Variants in PTPRM observed in about 807,000 individuals in gnomAD.
The protein encoded by PTPRM is protein tyrosine phosphatase receptor type M.
In PTPRM, 47 loss-of-function variants were observed where a neutral mutation model predicts 186.7. That is an observed-to-expected ratio of 0.25 (90% confidence interval 0.20 to 0.32). The LOEUF is 0.32. PTPRM is among the 10% of genes least tolerant of loss of function. The pLI, the probability that PTPRM is intolerant of heterozygous loss-of-function variation, is 1.00. For synonymous variants in PTPRM, 668 were observed against 674.9 expected, an observed-to-expected ratio of 0.99 and a Z score of 0.16; for missense variants, 1,494 against 1,865.0, an observed-to-expected ratio of 0.80 and a Z score of 3.66.
At chr18:7,945,926 G>A (rs1206250739) in intron 5 of PTPRM, among the ~76,000 whole-genome samples, 1 of 152,092 alleles carries the variant, frequency 6.6e-6, no homozygotes, top group Admixed American at 6.5e-5. Context: ...AAGCTAAAAC[G>A]ATTGCTGCTT....
intron 14 of PTPRM, among the ~76,000 whole-genome samples, chr18:8,211,419 G>A (rs947976624): frequency 4.0e-5 from 5 of 124,162 alleles, no homozygotes; most frequent in African/African-American, 1.5e-4. Flanking sequence ...TTCTAAGACA[G>A]AGTCTCGCCC....
chr18:8,092,019 CATT>C (rs2090760665), intron 11 of PTPRM, among the ~76,000 whole-genome samples: 1 of 151,998 alleles, frequency 6.6e-6, no homozygotes, highest in Non-Finnish European at 1.5e-5. Context: ...AAAATACTGT[CATT>C]GTGTGATTTC....
At position 7,699,211 on chromosome 18, in the gene PTPRM, T is replaced by G. The variant is rs972060601; in HGVS notation, c.74-74938T>G. Among the ~76,000 whole-genome samples, 3 of 152,142 alleles carry G rather than the reference T, an allele frequency of 2.0e-5. No homozygotes were observed. In the South Asian group the frequency reaches 6.2e-4, roughly 31 times the overall value. ...GAACAGTTTCATCCCATGGAAAAAT[T>G]GTCTTCCACGAAACCAGTCCCTCAT... On this transcript the variant is annotated intron_variant, in intron 1 of 32. Transcript: ENST00000580170.
At position 7,642,848 on chromosome 18, in the gene PTPRM, TAA is replaced by T. The variant is rs558868777; in HGVS notation, c.73+74975_73+74976del. 1.1e-3 allele frequency among the ~76,000 whole-genome samples: 137 copies of T among 127,152 alleles called. 1 individual carries two copies. The highest frequency in any genetic ancestry group is 1.6e-3 in the African/African-American group (57 of 35,388). 83.4% of individuals were successfully genotyped at this position (127,152 alleles called of 152,430 possible). ...CAAGACTTCAGTAAGAGCCTTTACT[TAA>T]AAAAAAAAAAAAAAAAAGAAGAAGA... On this transcript the variant is annotated intron_variant, in intron 1 of 32. Coordinates refer to ENST00000580170, the MANE Select transcript of PTPRM (RefSeq NM_001105244.2).
intron 23 of PTPRM, among the ~76,000 whole-genome samples, chr18:8,363,795 A>G (rs1568833526): frequency 6.6e-6 from 1 of 151,788 alleles, no homozygotes; most frequent in South Asian, 2.1e-4. Flanking sequence ...GAGAAAAGTA[A>G]CAAGACAGAT....
At chr18:7,833,735 A>C (rs558140927) in intron 2 of PTPRM, among the ~76,000 whole-genome samples, 1 of 140,040 alleles carries the variant, frequency 7.1e-6, no homozygotes, top group East Asian at 2.0e-4. Flanking sequence ...ACTCTGTCTC[A>C]GAAAGAAAAA....
At chr18:8,391,569 G>T (rs189864593) in intron 31 of PTPRM, among the ~76,000 whole-genome samples, 4 of 152,344 alleles carry the variant, frequency 2.6e-5, no homozygotes, top group African/African-American at 7.2e-5. Context: ...CTTAAGAATG[G>T]ATTCTCTTTG....
chr18:7,791,492 T>C (rs1018692195), intron 2 of PTPRM, among the ~76,000 whole-genome samples: 1 of 152,174 alleles, frequency 6.6e-6, no homozygotes, highest in Non-Finnish European at 1.5e-5. Flanking sequence ...CTCTGCATCT[T>C]CAACATGTAT....
chr18:7,677,276 C>G (rs1186333731), intron 1 of PTPRM, among the ~76,000 whole-genome samples: 1 of 152,200 alleles, frequency 6.6e-6, no homozygotes, highest in Non-Finnish European at 1.5e-5. Context: ...TGGACATTAA[C>G]AAGTGCATTG....
intron 20 of PTPRM, among the ~76,000 whole-genome samples, chr18:8,306,935 A>T (rs985090133): frequency 6.6e-6 from 1 of 152,178 alleles, no homozygotes; most frequent in African/African-American, 2.4e-5. Context: ...TGGTTGATAC[A>T]TATTTGTCTT....
intron 2 of PTPRM, among the ~76,000 whole-genome samples, chr18:7,886,061 G>A (rs1378044073): frequency 6.6e-6 from 1 of 152,156 alleles, no homozygotes; most frequent in African/African-American, 2.4e-5. Context: ...TGGCAATATG[G>A]CCATACTCCA....
intron 14 of PTPRM, among the ~76,000 whole-genome samples, chr18:8,228,261 C>T (rs1056837126): frequency 2.6e-5 from 4 of 151,988 alleles, no homozygotes; most frequent in African/African-American, 9.7e-5. Context: ...CACTCCTGCT[C>T]CAGGCCCAGG....
intron 19 of PTPRM, among the ~76,000 whole-genome samples, chr18:8,286,410 A>G (rs2094957698): frequency 6.6e-6 from 1 of 152,228 alleles, no homozygotes; most frequent in Admixed American, 6.5e-5. Flanking sequence ...ATGAGTGATC[A>G]GCACCACGTG....
chr18:7,630,858 T>G (rs2038173973), intron 1 of PTPRM, among the ~76,000 whole-genome samples: 1 of 152,168 alleles, frequency 6.6e-6, no homozygotes, highest in Non-Finnish European at 1.5e-5. Context: ...ACATTTTGCC[T>G]TGTTATCTAT....
At chr18:7,948,338 A>G (rs996193012) in intron 5 of PTPRM, among the ~76,000 whole-genome samples, 1 of 152,094 alleles carries the variant, frequency 6.6e-6, no homozygotes, top group Non-Finnish European at 1.5e-5. Context: ...GAGCACATAC[A>G]AGAGAGAGAA....
At chr18:7,634,448 C>A (rs948077233) in intron 1 of PTPRM, among the ~76,000 whole-genome samples, 1 of 152,322 alleles carries the variant, frequency 6.6e-6, no homozygotes, top group South Asian at 2.1e-4. Context: ...TATACCATGG[C>A]TATGTCTTTG....
chr18:8,015,931 T>C (rs757835180), intron 7 of PTPRM, among the ~76,000 whole-genome samples: 2 of 152,190 alleles, frequency 1.3e-5, no homozygotes, highest in Non-Finnish European at 2.9e-5. Flanking sequence ...CTGAAATGTA[T>C]GAGACCTCGA....
intron 23 of PTPRM, among the ~76,000 whole-genome samples, chr18:8,355,980 T>C (rs1390915717): frequency 6.6e-6 from 1 of 152,202 alleles, no homozygotes; most frequent in Non-Finnish European, 1.5e-5. Flanking sequence ...GGTTGGTTCA[T>C]GTGCTCATCC....
At chr18:8,286,138 CCTCG>C (rs2094954467) in intron 19 of PTPRM, among the ~76,000 whole-genome samples, 1 of 152,166 alleles carries the variant, frequency 6.6e-6, no homozygotes, top group Non-Finnish European at 1.5e-5. Context: ...TTTGGAAAGA[CCTCG>C]TGAGTTGCTG....
Sources: allele counts gnomAD v4.1 joint callset (sites outside exome capture counted in the v4.1 genomes callset), GRCh38; gene constraint gnomAD v4.1.1; transcripts MANE v1.5; gene names NCBI Gene and HGNC (gene_info 2026-07-23, HGNC 2026-07-21).